The following ZNF638 variants were observed in gnomAD, a reference collection of about 807,000 sequenced individuals.
ZNF638 encodes the protein zinc finger protein 638.
A neutral mutation model predicts 195.6 loss-of-function variants in ZNF638; 46 were observed. The observed-to-expected ratio is 0.24, with a 90% confidence interval of 0.19 to 0.30. The LOEUF (loss-of-function observed/expected upper bound fraction) is 0.30. Among genes scored for constraint, ZNF638 ranks in the 10% least tolerant of loss-of-function variants. ZNF638 has a pLI of 1.00. For synonymous variants in ZNF638, 845 were observed against 772.0 expected, an observed-to-expected ratio of 1.09 and a Z score of -1.57; for missense variants, 2,440 against 2,325.3, an observed-to-expected ratio of 1.05 and a Z score of -1.01.
intron 10 of ZNF638, among the ~76,000 whole-genome samples, chr2:71,391,931 A>G (rs2079788363): frequency 6.6e-6 from 1 of 151,904 alleles, no homozygotes; most frequent in Admixed American, 6.6e-5. Context: ...CCTGCTAAAC[A>G]CTCCTCTACA....
intron 20 of ZNF638, among the ~76,000 whole-genome samples, chr2:71,411,120 TC>T (rs2080211561): frequency 6.7e-6 from 1 of 150,000 alleles, no homozygotes; most frequent in Non-Finnish European, 1.5e-5. Flanking sequence ...GCCTCAGCCT[TC>T]CGAGTAGCTG....
At chr2:71,431,292 A>G (rs770987867) in intron 25 of ZNF638, 35 bp from the exon 26 acceptor site, 2 of 1,566,546 alleles carry the variant, frequency 1.3e-6, no homozygotes, top group South Asian at 2.2e-5. Context: ...CTGTAAATCT[A>G]TTCTGAATAG....
At position 71,331,866 on chromosome 2, in the gene ZNF638, G is replaced by A. The variant is rs916153344; in HGVS notation, c.-212G>A. The A allele has an allele frequency of 3.5e-5, 35 of 986,172 alleles. No homozygotes were observed. The highest frequency in any genetic ancestry group is 2.8e-4 in the African/African-American group (16 of 57,260). 61.1% of individuals were successfully genotyped at this position (986,172 alleles called of 1,614,324 possible). ...CGGATGGGATCCAGCTGTTAGTCGG[G>A]TAGGCATAGGTAGGACCGCTGCCCT... On this transcript the variant is annotated 5_prime_UTR_variant, in exon 1 of 28. Transcript: ENST00000264447.
chr2:71,418,526 T>A, intron 20 of ZNF638, 76 bp from the exon 21 acceptor site: 2 of 1,060,396 alleles, frequency 1.9e-6, no homozygotes, highest in Non-Finnish European at 2.7e-6. Flanking sequence ...AAATTTTTAC[T>A]AAAAACATTG....
At chr2:71,366,827 CCTA>C (rs1191805953) in intron 6 of ZNF638, among the ~76,000 whole-genome samples, 3 of 152,060 alleles carry the variant, frequency 2.0e-5, no homozygotes, top group African/African-American at 7.2e-5. Flanking sequence ...TTGACTGTAA[CCTA>C]CTGGTTACGA....
chr2:71,398,356 T>G (rs1170579585), intron 11 of ZNF638, among the ~76,000 whole-genome samples: 2 of 152,168 alleles, frequency 1.3e-5, no homozygotes. Flanking sequence ...ATGAAACAGT[T>G]TTTTTTAAGT....
intron 10 of ZNF638, among the ~76,000 whole-genome samples, chr2:71,394,028 A>G (rs1318393105): frequency 6.6e-6 from 1 of 152,216 alleles, no homozygotes; most frequent in African/African-American, 2.4e-5. Context: ...CACTTTCCCC[A>G]GCATTCTTCC....
At chr2:71,382,343 AATAC>A (rs2079548513) in intron 10 of ZNF638, among the ~76,000 whole-genome samples, 1 of 152,180 alleles carries the variant, frequency 6.6e-6, no homozygotes, top group Admixed American at 6.5e-5. Context: ...GGAAAGCTAA[AATAC>A]TTCCTTGCAA....
rs1232216845 is a variant in ZNF638 at position 71,349,077 on chromosome 2, A to C, written c.123A>C (p.Arg41Ser). The C allele has an allele frequency of 6.2e-7, 1 of 1,614,028 alleles. No individual in the cohort carries two copies. Among genetic ancestry groups the C allele is most frequent in the East Asian group, 2.2e-5 (1 of 44,894 alleles). The change falls in exon 2 of 28, where the codon AGA (arginine) becomes AGC (serine). Residue 41 changes from arginine (R) to serine (S), a missense_variant. Transcript: ENST00000264447. ...FMRPGSMGLP[R>S]FYPAGRARGI... The stretch of plus-strand genomic sequence containing the variant: ...GGCCTGGATCTATGGGTCTCCCAAG[A>C]TTTTACCCAGCAGGGAGAGCACGTG...
intron 20 of ZNF638, among the ~76,000 whole-genome samples, chr2:71,414,209 G>T (rs1251690951): frequency 1.6e-5 from 1 of 63,022 alleles, no homozygotes; most frequent in Non-Finnish European, 2.8e-5. Flanking sequence ...TCTTGGGAGA[G>T]TGTATGTGTC....
intron 21 of ZNF638, among the ~76,000 whole-genome samples, chr2:71,420,552 C>A (rs1335790013): frequency 1.3e-5 from 2 of 152,078 alleles, no homozygotes; most frequent in Non-Finnish European, 2.9e-5. Context: ...TTCTAATGCC[C>A]AGCTTTTATT....
chr2:71,421,414 A>C lies in ZNF638; in HGVS notation c.3300-1400A>C, dbSNP rs186371930. ...AAAGAATAACTTGCACAATGGATAG[A>C]ATATATATTGATTAAGGTTTAGGGT... On this transcript the variant is annotated intron_variant, in intron 21 of 27. Transcript: ENST00000264447. Among the ~76,000 whole-genome samples the C allele has an allele frequency of 7.5e-4, 114 of 152,266 alleles. 1 individual carries two copies. The highest frequency in any genetic ancestry group is 2.4e-3 in the African/African-American group (101 of 41,576).
intron 8 of ZNF638, chr2:71,373,927 A>T (rs558158284): frequency 5.3e-5 from 8 of 151,914 alleles, no homozygotes; most frequent in African/African-American, 1.9e-4. Flanking sequence ...GGCTCAAGTA[A>T]TCCTCCCACC....
chr2:71,417,950 C>T (rs988778912), intron 20 of ZNF638, among the ~76,000 whole-genome samples: 7 of 152,158 alleles, frequency 4.6e-5, no homozygotes, highest in African/African-American at 1.2e-4. Flanking sequence ...TGCATGATTT[C>T]TCAGAAAAGG....
At chr2:71,346,869 A>C (rs983703031) in intron 1 of ZNF638, among the ~76,000 whole-genome samples, 64 of 152,014 alleles carry the variant, frequency 4.2e-4, no homozygotes, top group African/African-American at 1.5e-3. Flanking sequence ...AAAATACAAA[A>C]AATTAGCCAG....
At position 71,396,318 on chromosome 2, in the gene ZNF638, A is replaced by T. The variant is rs139778954; in HGVS notation, c.2428+127A>T. On this transcript the variant is annotated intron_variant, in intron 11 of 27. Coordinates refer to ENST00000264447, the MANE Select transcript of ZNF638 (RefSeq NM_014497.5). Reference sequence around the variant, plus strand: ...TATTGAATGCATGCTAATCTTTGAGATTTATAATCATCTAGCAATTTTGAG... The same window carrying T: ...TATTGAATGCATGCTAATCTTTGAGTTTTATAATCATCTAGCAATTTTGAG... The T allele has an allele frequency of 4.5e-4, 317 of 699,112 alleles. 3 individuals are homozygous for T. In the East Asian group the frequency reaches 8.6e-3, roughly 19 times the overall value. The allele number at this position is 699,112 out of a possible 1,614,324, so 43.3% of individuals were successfully genotyped here.
intron 8 of ZNF638, among the ~76,000 whole-genome samples, chr2:71,373,315 T>A (rs13404632): frequency 6.6e-6 from 1 of 152,112 alleles, no homozygotes; most frequent in Admixed American, 6.5e-5. Flanking sequence ...GTTGTCTTTT[T>A]AAAAATATTC....
rs2095261545 is a variant in ZNF638 at position 71,386,730 on chromosome 2, TATA to T, written c.2377+6173_2377+6175del. Among the ~76,000 whole-genome samples the T allele has an allele frequency of 2.0e-5, 3 of 152,338 alleles. No homozygotes were observed. The South Asian group carries it at 6.2e-4, about 32-fold the overall frequency. ...GTAATCTAATATTAAATAGTCCATT[TATA>T]ATAATAAAAATGGTAGAAGTTATAA... On this transcript the variant is annotated intron_variant, in intron 10 of 27. Coordinates refer to ENST00000264447, the MANE Select transcript of ZNF638 (RefSeq NM_014497.5).
chr2:71,399,547 T>C lies in ZNF638; in HGVS notation c.2501-12T>C. On this transcript the variant is annotated splice_polypyrimidine_tract_variant and intron_variant, in intron 12 of 27. Transcript: ENST00000264447. ...AGACCTTTAGAATAATGGCTGACTG[T>C]ACTTTTACAAGCAAAATCTGGTGGA... 1 of 1,592,920 alleles carries C rather than the reference T, an allele frequency of 6.3e-7. No homozygotes were observed.
Sources: allele counts gnomAD v4.1 joint callset (sites outside exome capture counted in the v4.1 genomes callset), GRCh38; gene constraint gnomAD v4.1.1; transcripts MANE v1.5; gene names NCBI Gene and HGNC (gene_info 2026-07-23, HGNC 2026-07-21).